Variants in ATXN10 observed in about 807,000 individuals in gnomAD.
ATXN10 encodes ataxin-10.
ATXN10 carries 28 observed loss-of-function variants against 52.9 expected under a neutral mutation model. The ratio of observed to expected loss-of-function variants is 0.53; its 90% confidence interval spans 0.39 to 0.73. The LOEUF (loss-of-function observed/expected upper bound fraction) is 0.73, where lower values mean the gene tolerates loss of function less well. Among genes scored for constraint, ATXN10 ranks in the 30% least tolerant of loss-of-function variants. The pLI is 0.00. For synonymous variants in ATXN10, 226 were observed against 221.5 expected (o/e 1.02, Z -0.18); for missense variants, 565 against 577.0 (o/e 0.98, Z 0.21).
chr22:45,808,042 ACAAT>A (rs1454913892), intron 10 of ATXN10, among the ~76,000 whole-genome samples: 2 of 152,248 alleles, frequency 1.3e-5, no homozygotes, highest in Non-Finnish European at 2.9e-5. Context: ...GCAATAGAAA[ACAAT>A]CTTATTTTAA....
chr22:45,671,899 C>G lies in ATXN10; in HGVS notation c.-165C>G, dbSNP rs941060512. On this transcript the variant is annotated 5_prime_UTR_variant, in exon 1 of 12. Coordinates refer to ENST00000252934, the MANE Select transcript of ATXN10 (RefSeq NM_013236.4). ...CTAGAGCTCTCCGGCGGCGGCGCAG[C>G]TTCAGGGCAGCGCGGGCTGCAGCGG... 6 of 745,734 alleles carry G rather than the reference C, an allele frequency of 8.0e-6. No individual in the cohort carries two copies. The African/African-American group carries it at 1.1e-4, about 14-fold the overall frequency. The allele number at this position is 745,734 out of a possible 1,614,324, so 46.2% of individuals were successfully genotyped here.
chr22:45,796,263 C>T (rs777260604), intron 9 of ATXN10, among the ~76,000 whole-genome samples: 4 of 152,186 alleles, frequency 2.6e-5, no homozygotes, highest in Admixed American at 2.0e-4. Flanking sequence ...TCCAGCCTGG[C>T]GAATTCTAGT....
intron 10 of ATXN10, among the ~76,000 whole-genome samples, chr22:45,807,913 A>G (rs930762198): frequency 2.0e-5 from 3 of 152,226 alleles, no homozygotes; most frequent in Non-Finnish European, 4.4e-5. Context: ...CATTTTAAAA[A>G]TAAAACTATG....
At chr22:45,836,953 T>G (rs554976486) in intron 10 of ATXN10, among the ~76,000 whole-genome samples, 38 of 152,270 alleles carry the variant, frequency 2.5e-4, no homozygotes, top group African/African-American at 8.9e-4. Context: ...CCATGCTATG[T>G]GCAGGCCCCC....
rs1308539996 is a variant in ATXN10, at chr22:45,757,547, TTCTC to T, written c.1173+17011_1173+17014del. 6.6e-6 allele frequency among the ~76,000 whole-genome samples: 1 copy of T among 152,154 alleles called. No individual in the cohort carries two copies. The highest frequency in any genetic ancestry group is 1.5e-5 in the Non-Finnish European group (1 of 68,034). ...TTGGAGGGAGAAAGAAATGGGTTCT[TTCTC>T]TGTATTCTCTAAGATAGATTTGTTC... On this transcript the variant is annotated intron_variant, in intron 9 of 11. Coordinates refer to ENST00000252934, the MANE Select transcript of ATXN10 (RefSeq NM_013236.4). The surrounding 1 kb of genome is among the most constrained non-coding windows in gnomAD (Gnocchi z 4.6).
Position 45,783,652 on chromosome 22 carries a change from C to G in ATXN10, c.1174-23307C>G, listed in dbSNP as rs1927226408. ...CTCTCTCCCTTATCCCCACCCACAT[C>G]CTGACATTGGTAAGAGCAGTACCTG... On this transcript the variant is annotated intron_variant, in intron 9 of 11. Transcript: ENST00000252934. This position sits in a 1 kb window ranked among gnomAD's most constrained non-coding sequence, Gnocchi z 5.0. Among the ~76,000 whole-genome samples the G allele has an allele frequency of 6.6e-6, 1 of 152,196 alleles. No homozygotes were observed. The highest frequency in any genetic ancestry group is 1.5e-5 in the Non-Finnish European group (1 of 68,040).
chr22:45,752,546 G>GTTGGGA (rs1926015717), intron 9 of ATXN10, among the ~76,000 whole-genome samples: 1 of 105,106 alleles, frequency 9.5e-6, no homozygotes, highest in Admixed American at 1.0e-4. Context: ...AGGGGTTGGG[G>GTTGGGA]TTGGGGTTGG....
intron 9 of ATXN10, among the ~76,000 whole-genome samples, chr22:45,803,504 C>A (rs1175972111): frequency 1.3e-5 from 2 of 152,156 alleles, no homozygotes; most frequent in East Asian, 3.9e-4. Context: ...TGAAAACCAA[C>A]CTCAATCTGG....
chr22:45,678,960 A>T lies in ATXN10; in HGVS notation c.116+6781A>T, dbSNP rs1922807582. ...TATTTGTAATTTATATTTACAAAAT[A>T]AATTTGTAAATTTGTAAATATAAAT... On this transcript the variant is annotated intron_variant, in intron 1 of 11. Transcript: ENST00000252934. This position sits in a 1 kb window ranked among gnomAD's most constrained non-coding sequence, Gnocchi z 4.1. The T allele has an allele frequency of 1.3e-5, 2 of 152,256 alleles. No homozygotes were observed. The highest frequency in any genetic ancestry group is 1.5e-5 in the Non-Finnish European group (1 of 68,042). 9.4% of individuals were successfully genotyped at this position (152,256 alleles called of 1,614,324 possible).
In ATXN10 at chr22:45,727,331, A is replaced by C. The variant is rs5764829; in HGVS notation, c.729-2094A>C. 1.0e-3 allele frequency among the ~76,000 whole-genome samples: 154 copies of C among 146,794 alleles called. No individual in the cohort carries two copies. The highest frequency in any genetic ancestry group is 2.6e-3 in the East Asian group (13 of 4,916). ...GTTCTGTCTGTCTGTCTATCTATCT[A>C]TATCTATCTATCTATCTATCTATCT... On this transcript the variant is annotated intron_variant, in intron 6 of 11. Coordinates refer to ENST00000252934, the MANE Select transcript of ATXN10 (RefSeq NM_013236.4). This position sits in a 1 kb window ranked among gnomAD's most constrained non-coding sequence, Gnocchi z 4.6.
chr22:45,791,700 G>A (rs1927517051), intron 9 of ATXN10, among the ~76,000 whole-genome samples: 1 of 152,076 alleles, frequency 6.6e-6, no homozygotes. Context: ...ATATTTTAGG[G>A]GAAGGGGATC....
chr22:45,729,613 T>A (rs1442058277), intron 7 of ATXN10, 23 bp downstream of exon 7: 1 of 1,613,536 alleles, frequency 6.2e-7, no homozygotes, highest in African/African-American at 1.3e-5. Flanking sequence ...GATTTCCCAA[T>A]CTCGGGTAAA....
rs983826730 is a variant in ATXN10 at position 45,820,996 on chromosome 22, A to C, written c.1237+13974A>C. On this transcript the variant is annotated intron_variant, in intron 10 of 11. Coordinates refer to ENST00000252934, the MANE Select transcript of ATXN10 (RefSeq NM_013236.4). The surrounding 1 kb of genome is among the most constrained non-coding windows in gnomAD (Gnocchi z 4.9). The stretch of plus-strand genomic sequence containing the variant: ...GAATATGACGAGACTTAACTTTTAC[A>C]AGAGAGTCTTGCCTTCGTCTTTGGA... 6.6e-6 allele frequency among the ~76,000 whole-genome samples: 1 copy of C among 152,200 alleles called. No homozygotes were observed. The highest frequency in any genetic ancestry group is 1.5e-5 in the Non-Finnish European group (1 of 68,042).
intron 9 of ATXN10, chr22:45,792,707 TTTAA>T (rs1393358553): frequency 2.7e-6 from 1 of 372,062 alleles, no homozygotes; most frequent in Non-Finnish European, 5.4e-6. Flanking sequence ...TATCTATTGC[TTTAA>T]TTCAGTCTTT....
rs1379489361 is a variant in ATXN10 at position 45,841,375 on chromosome 22, C to T, written c.1238-1616C>T. On this transcript the variant is annotated intron_variant, in intron 10 of 11. Coordinates refer to ENST00000252934, the MANE Select transcript of ATXN10 (RefSeq NM_013236.4). This position sits in a 1 kb window ranked among gnomAD's most constrained non-coding sequence, Gnocchi z 5.1. ...CCCACCAGTGGTTTTGATGCTAAAC[C>T]TCCAAAGACCAGCAGGTCATTCACT... Among the ~76,000 whole-genome samples, 1 of 152,202 alleles carries T rather than the reference C, an allele frequency of 6.6e-6. No individual in the cohort carries two copies. The highest frequency in any genetic ancestry group is 1.5e-5 in the Non-Finnish European group (1 of 68,032).
chr22:45,738,593 T>G, intron 7 of ATXN10, 138 bp from the exon 8 acceptor site: 1 of 726,738 alleles, frequency 1.4e-6, no homozygotes, highest in East Asian at 2.7e-5. Context: ...TCTTCATAGT[T>G]TTGTTTTTCT....
At chr22:45,785,476 A>C (rs1310816982) in intron 9 of ATXN10, among the ~76,000 whole-genome samples, 1 of 152,238 alleles carries the variant, frequency 6.6e-6, no homozygotes, top group Non-Finnish European at 1.5e-5. Flanking sequence ...AAAATGCCCT[A>C]AGTAGAAGTA....
chr22:45,832,947 T>C (rs939370556), intron 10 of ATXN10, among the ~76,000 whole-genome samples: 2 of 152,242 alleles, frequency 1.3e-5, no homozygotes, highest in African/African-American at 2.4e-5. Flanking sequence ...TAAAGTGTTA[T>C]AGTGAATGTT....
chr22:45,699,517 G>A (rs1239865002), intron 3 of ATXN10, among the ~76,000 whole-genome samples: 7 of 138,284 alleles, frequency 5.1e-5, no homozygotes, highest in African/African-American at 1.6e-4. Flanking sequence ...TTTGAGACAG[G>A]GTCTGGGTCT....
Sources: gnomAD v4.1 joint callset for allele counts (sites outside exome capture counted in the v4.1 genomes callset) on GRCh38, gnomAD v4.1.1 for gene constraint, Gnocchi (gnomAD v3.1) non-coding constraint, MANE v1.5 for transcripts, NCBI Gene and HGNC (gene_info 2026-07-23, HGNC 2026-07-21) for gene names.